PRDM5: variants seen among roughly 807,000 people sequenced by gnomAD.
The protein encoded by PRDM5 is PR/SET domain 5, also known as PR domain zinc finger protein 5.
A neutral mutation model predicts 81.2 loss-of-function variants in PRDM5; 56 were observed. The observed-to-expected ratio is 0.69, with a 90% CI of 0.56 to 0.86. The LOEUF (loss-of-function observed/expected upper bound fraction) is 0.86, where lower values mean the gene tolerates loss of function less well. Among genes scored for constraint, PRDM5 ranks in the 40% least tolerant of loss-of-function variants. The probability of loss-of-function intolerance (pLI) is 0.00; values close to 1 mark genes in which losing one functional copy is unlikely to be tolerated. For missense variants in PRDM5, 697 were observed against 770.1 expected (o/e 0.91, Z 1.12); for synonymous variants, 267 against 256.4 (o/e 1.04, Z -0.39).
In PRDM5 at chr4:120,788,312, AT is replaced by A. The variant is rs201264162; in HGVS notation, c.1189-3222del. On this transcript the variant is annotated intron_variant, in intron 10 of 15. Transcript: ENST00000264808. Reference sequence around the variant, plus strand: ...TCATACTTTAGGTGACAAAAGCAGAATGCAAAACATAATATAAAGAATACCA... The same window carrying A: ...TCATACTTTAGGTGACAAAAGCAGAAGCAAAACATAATATAAAGAATACCA... Among the ~76,000 whole-genome samples the A allele has an allele frequency of 3.1e-3, 466 of 152,322 alleles. 3 individuals are homozygous for A. The highest frequency in any genetic ancestry group is 0.011 in the African/African-American group (459 of 41,590).
chr4:120,702,615 A>C (rs896062539), intron 15 of PRDM5, among the ~76,000 whole-genome samples: 24 of 152,214 alleles, frequency 1.6e-4, no homozygotes, highest in African/African-American at 5.3e-4. Context: ...TGGTTGATAG[A>C]TTCAATGATT....
At chr4:120,828,982 A>C (rs918921012) in intron 3 of PRDM5, among the ~76,000 whole-genome samples, 4 of 152,078 alleles carry the variant, frequency 2.6e-5, no homozygotes, top group Non-Finnish European at 5.9e-5. Flanking sequence ...TCACAAGTGA[A>C]ATAAACTCAT....
chr4:120,687,836 C>T (rs1312162668), downstream of PRDM5, among the ~76,000 whole-genome samples: 2 of 152,040 alleles, frequency 1.3e-5, no homozygotes, highest in East Asian at 1.9e-4. Context: ...TTTCACCTTC[C>T]GCTATGGAAT....
chr4:120,752,947 T>A, intron 14 of PRDM5, among the ~76,000 whole-genome samples: 1 of 152,332 alleles, frequency 6.6e-6, no homozygotes, highest in Middle Eastern at 3.4e-3. Flanking sequence ...TTAATAACTT[T>A]ATATTAAAAT....
At chr4:120,774,704 A>G (rs191712791) in intron 13 of PRDM5, among the ~76,000 whole-genome samples, 1 of 152,312 alleles carries the variant, frequency 6.6e-6, no homozygotes, top group Admixed American at 6.5e-5. Flanking sequence ...CTGAGGGCAT[A>G]GGCTTGACAT....
At chr4:120,915,960 G>A (rs1724102073) in intron 1 of PRDM5, among the ~76,000 whole-genome samples, 1 of 152,164 alleles carries the variant, frequency 6.6e-6, no homozygotes, top group South Asian at 2.1e-4. Flanking sequence ...TCCACTGTGG[G>A]GAGAAGAACA....
Position 120,781,247 on chromosome 4 carries a change from A to T in PRDM5, c.1339T>A (p.Leu447Ile), listed in dbSNP as rs193201534. The T allele has an allele frequency of 2.7e-5, 44 of 1,613,138 alleles. No homozygotes were observed. In the Admixed American group the frequency reaches 5.3e-4, roughly 20 times the overall value. The change falls in exon 12 of 16, where the codon TTA becomes ATA. Residue 447 changes from leucine to isoleucine, a missense_variant. This residue lies in a region of PRDM5 where 577 missense variants were observed against 606.7 expected (regional missense o/e 0.95). Coordinates refer to ENST00000264808, the MANE Select transcript of PRDM5 (RefSeq NM_018699.4). ...CDATFKRKDT[L>I]NVHVQVVHER... ...TGAACCACCTGGACATGAACATTTA[A>T]TGTATCCTTCCTCTTAAAGGTAGCA...
At chr4:120,909,392 G>A (rs1383572161) in intron 1 of PRDM5, among the ~76,000 whole-genome samples, 1 of 152,088 alleles carries the variant, frequency 6.6e-6, no homozygotes, top group African/African-American at 2.4e-5. Context: ...AAGAAACTGT[G>A]AGCTTATGTT....
chr4:120,719,864 C>T (rs1039313709), intron 14 of PRDM5, among the ~76,000 whole-genome samples: 2 of 152,102 alleles, frequency 1.3e-5, no homozygotes, highest in Non-Finnish European at 2.9e-5. Context: ...TTAAAAATAT[C>T]GCCATTATCC....
chr4:120,858,966 C>T (rs1268012946), intron 2 of PRDM5, among the ~76,000 whole-genome samples: 4 of 152,164 alleles, frequency 2.6e-5, no homozygotes, highest in African/African-American at 9.7e-5. Context: ...TTTCCTCTCA[C>T]TGAACTAAGC....
chr4:120,899,253 T>C (rs1474661273), intron 2 of PRDM5, among the ~76,000 whole-genome samples: 2 of 152,144 alleles, frequency 1.3e-5, no homozygotes, highest in Admixed American at 6.5e-5. Flanking sequence ...TAAGCAGACA[T>C]ACCAGCTGAC....
intron 2 of PRDM5, among the ~76,000 whole-genome samples, chr4:120,866,253 C>T (rs1561538284): frequency 6.6e-6 from 1 of 152,224 alleles, no homozygotes; most frequent in Non-Finnish European, 1.5e-5. Context: ...TAAGAATGCA[C>T]ATCCACTGCC....
chr4:120,834,153 T>C (rs1166926619), intron 3 of PRDM5, among the ~76,000 whole-genome samples: 2 of 152,118 alleles, frequency 1.3e-5, no homozygotes, highest in African/African-American at 4.8e-5. Context: ...ATTGCACATT[T>C]GAAAAAACTA....
At chr4:120,827,105 TC>T (rs1345345428) in intron 3 of PRDM5, among the ~76,000 whole-genome samples, 9 of 152,122 alleles carry the variant, frequency 5.9e-5, no homozygotes, top group African/African-American at 2.2e-4. Context: ...AGATGACAAA[TC>T]GACTCGCAAA....
chr4:120,857,592 T>G (rs1340467133), intron 2 of PRDM5, among the ~76,000 whole-genome samples: 7 of 152,140 alleles, frequency 4.6e-5, no homozygotes, highest in African/African-American at 1.7e-4. Context: ...TATCTGTACC[T>G]TTTTTCAGCC....
At chr4:120,896,950 T>C (rs1764693276) in intron 2 of PRDM5, 1 of 151,898 alleles carries the variant, frequency 6.6e-6, no homozygotes, top group Non-Finnish European at 1.5e-5. Context: ...CCCAAAGTTC[T>C]GGGATTACAG....
chr4:120,707,994 TA>T (rs938730495), intron 15 of PRDM5, among the ~76,000 whole-genome samples: 2 of 150,742 alleles, frequency 1.3e-5, no homozygotes, highest in Admixed American at 6.6e-5. Flanking sequence ...GATAATTAAA[TA>T]AAAAAAAAGT....
At chr4:120,775,715 T>A (rs981229024) in intron 13 of PRDM5, among the ~76,000 whole-genome samples, 20 of 152,154 alleles carry the variant, frequency 1.3e-4, no homozygotes, top group African/African-American at 1.9e-4. Context: ...TACAGCATGA[T>A]ATCTGCTAAG....
chr4:120,809,613 T>G (rs573158681), intron 8 of PRDM5, among the ~76,000 whole-genome samples: 52 of 152,312 alleles, frequency 3.4e-4, no homozygotes, highest in African/African-American at 1.2e-3. Flanking sequence ...TACCTTATCA[T>G]TATAGGAGAT....
Sources: gnomAD v4.1 joint callset for allele counts (sites outside exome capture counted in the v4.1 genomes callset) on GRCh38, gnomAD v4.1.1 for gene constraint, gnomAD v4.1.1 regional missense constraint, MANE v1.5 for transcripts, NCBI Gene and HGNC (gene_info 2026-07-23, HGNC 2026-07-21) for gene names.